TNFSF4: variants seen among roughly 807,000 people sequenced by gnomAD.
TNFSF4 encodes tumor necrosis factor ligand superfamily member 4.
TNFSF4 carries 4 observed loss-of-function variants against 7.3 expected under a neutral mutation model. The ratio of observed to expected loss-of-function variants is 0.55; its 90% CI spans 0.27 to 1.25. The LOEUF (loss-of-function observed/expected upper bound fraction) is 1.25. Ranked by LOEUF, TNFSF4 falls within the 50% of genes most tolerant of loss-of-function variation. The pLI is 0.12. For synonymous variants in TNFSF4, 76 were observed against 83.7 expected (o/e 0.91, Z 0.50); for missense variants, 181 against 208.8 (o/e 0.87, Z 0.82).
At chr1:173,336,484 C>A in the TNFSF4 span, among the ~76,000 whole-genome samples, 1 of 152,140 alleles carries the variant, frequency 6.6e-6, no homozygotes, top group Non-Finnish European at 1.5e-5. Context: ...ATGCCTTTTT[C>A]TCTATATCTA....
At chr1:173,423,504 G>C in the TNFSF4 span, among the ~76,000 whole-genome samples, 1 of 152,166 alleles carries the variant, frequency 6.6e-6, no homozygotes, top group Non-Finnish European at 1.5e-5. Context: ...TGATCAGGTA[G>C]CAACTGTCAG....
chr1:173,208,816 C>T (rs1028702234), upstream of TNFSF4, among the ~76,000 whole-genome samples: 3 of 148,622 alleles, frequency 2.0e-5, no homozygotes, highest in Admixed American at 6.7e-5. Flanking sequence ...ACTATTTACT[C>T]GTCAATTTTC....
At chr1:173,239,895 G>T in the TNFSF4 span, among the ~76,000 whole-genome samples, 2 of 152,124 alleles carry the variant, frequency 1.3e-5, no homozygotes, top group African/African-American at 4.8e-5. Context: ...AGCCAGGTTT[G>T]GTAGCAAATA....
chr1:173,394,995 G>C, the TNFSF4 span, among the ~76,000 whole-genome samples: 15 of 114,532 alleles, frequency 1.3e-4, 1 homozygote, highest in African/African-American at 4.9e-4. Context: ...CACATAGATA[G>C]ATAGATAGAT....
the TNFSF4 span, among the ~76,000 whole-genome samples, chr1:173,346,629 A>G: frequency 6.6e-6 from 1 of 152,208 alleles, no homozygotes; most frequent in Non-Finnish European, 1.5e-5. Context: ...AGGGAGAGAT[A>G]AAGAAAATAT....
At chr1:173,194,202 A>G (rs1649599672) in intron 1 of TNFSF4, among the ~76,000 whole-genome samples, 1 of 152,222 alleles carries the variant, frequency 6.6e-6, no homozygotes, top group Non-Finnish European at 1.5e-5. Flanking sequence ...AGTGTTATTC[A>G]GTAGTTGAAT....
chr1:173,412,254 C>A, the TNFSF4 span, among the ~76,000 whole-genome samples: 1 of 152,192 alleles, frequency 6.6e-6, no homozygotes, highest in Admixed American at 6.5e-5. Flanking sequence ...TCAGACTCAC[C>A]CTGTGACAGT....
At position 173,184,065 on chromosome 1, in the gene TNFSF4, A is replaced by G. The variant is rs1649121698; in HGVS notation, c.*2451T>C. 6.6e-6 allele frequency: 1 copy of G among 152,254 alleles called. No individual in the cohort carries two copies. Among genetic ancestry groups the G allele is most frequent in the Admixed American group, 6.5e-5 (1 of 15,286 alleles). 9.4% of individuals were successfully genotyped at this position (152,254 alleles called of 1,614,324 possible). On this transcript the variant is annotated 3_prime_UTR_variant, in exon 3 of 3. Coordinates refer to ENST00000281834, the MANE Select transcript of TNFSF4 (RefSeq NM_003326.5). ...AGGAGAAGGTTACACTCCTTGACTC[A>G]TAGCAACAAGAACATAGACATTTAA...
At chr1:173,351,857 C>T in the TNFSF4 span, 1 of 595,946 alleles carries the variant, frequency 1.7e-6, no homozygotes, top group South Asian at 1.8e-5. Context: ...GCACAACTGT[C>T]CATGTAGGCA....
At chr1:173,177,574 C>T in the TNFSF4 span, among the ~76,000 whole-genome samples, 2 of 152,086 alleles carry the variant, frequency 1.3e-5, no homozygotes, top group Non-Finnish European at 2.9e-5. Flanking sequence ...TGTGTGTACC[C>T]CTGAACCTAA....
chr1:173,413,342 C>T, the TNFSF4 span, among the ~76,000 whole-genome samples: 2 of 152,182 alleles, frequency 1.3e-5, no homozygotes, highest in Non-Finnish European at 2.9e-5. Context: ...AAAGGTTTCC[C>T]TGTATCTGTG....
chr1:173,230,752 C>T, the TNFSF4 span, among the ~76,000 whole-genome samples: 1 of 152,094 alleles, frequency 6.6e-6, no homozygotes, highest in Non-Finnish European at 1.5e-5. Context: ...GGGACATCAC[C>T]ACCAATCCCA....
At chr1:173,338,010 G>A in the TNFSF4 span, among the ~76,000 whole-genome samples, 1 of 152,132 alleles carries the variant, frequency 6.6e-6, no homozygotes, top group African/African-American at 2.4e-5. Context: ...ATAGGATCAT[G>A]AAAAAACAGG....
At chr1:173,221,524 C>T in the TNFSF4 span, among the ~76,000 whole-genome samples, 99 of 152,210 alleles carry the variant, frequency 6.5e-4, no homozygotes, top group African/African-American at 2.3e-3. Context: ...GGATTAGATA[C>T]GGTAAGTAAT....
At chr1:173,201,115 A>C (rs1649924404) in intron 1 of TNFSF4, among the ~76,000 whole-genome samples, 2 of 152,224 alleles carry the variant, frequency 1.3e-5, no homozygotes, top group Non-Finnish European at 2.9e-5. Context: ...GAATTGGATG[A>C]AATATATCAA....
At chr1:173,441,146 A>G in the TNFSF4 span, among the ~76,000 whole-genome samples, 6 of 152,152 alleles carry the variant, frequency 3.9e-5, no homozygotes, top group African/African-American at 1.4e-4. Context: ...CACTCACCCC[A>G]AAGCCCAGCA....
At chr1:173,198,570 G>A (rs1379245471) in intron 1 of TNFSF4, among the ~76,000 whole-genome samples, 1 of 152,274 alleles carries the variant, frequency 6.6e-6, no homozygotes, top group Admixed American at 6.5e-5. Flanking sequence ...AGTGAGCCGA[G>A]ATCGTGCCAC....
At chr1:173,329,114 C>T in the TNFSF4 span, among the ~76,000 whole-genome samples, 1 of 152,034 alleles carries the variant, frequency 6.6e-6, no homozygotes, top group African/African-American at 2.4e-5. Context: ...TAAAATTATG[C>T]CTGAAAGAAC....
the TNFSF4 span, among the ~76,000 whole-genome samples, chr1:173,301,086 C>T: frequency 1.3e-5 from 2 of 152,018 alleles, no homozygotes; most frequent in East Asian, 3.9e-4. Context: ...ATTTATAAAA[C>T]ACTACTGCTG....
Sources: allele counts gnomAD v4.1 joint callset (sites outside exome capture counted in the v4.1 genomes callset), GRCh38; gene constraint gnomAD v4.1.1; transcripts MANE v1.5; gene names NCBI Gene and HGNC (gene_info 2026-07-23, HGNC 2026-07-21).